FSHR: variants seen among roughly 807,000 people sequenced by gnomAD.
FSHR encodes follicle-stimulating hormone receptor.
Under a neutral mutation model 52.1 loss-of-function variants are expected in FSHR, and 46 were observed. The ratio of observed to expected loss-of-function variants is 0.88; its 90% confidence interval spans 0.70 to 1.13. The LOEUF is 1.13. Among genes scored for constraint, FSHR ranks in the 50% most tolerant of loss-of-function variants. FSHR has a pLI of 0.00. For synonymous variants in FSHR, 399 were observed against 309.6 expected (o/e 1.29, Z -3.03); for missense variants, 964 against 834.6 (o/e 1.16, Z -1.91).
intron 4 of FSHR, chr2:49,015,019 T>C: frequency 5.0e-6 from 2 of 398,084 alleles, no homozygotes; most frequent in Non-Finnish European, 9.9e-6. Flanking sequence ...CAGGCACTAA[T>C]AATTTTATAT....
intron 2 of FSHR, among the ~76,000 whole-genome samples, chr2:49,038,670 A>C (rs1008181328): frequency 2.1e-5 from 3 of 144,920 alleles, no homozygotes; most frequent in Non-Finnish European, 4.5e-5. Context: ...AATAATAATA[A>C]TACTGGTTTA....
At position 48,997,173 on chromosome 2, in the gene FSHR, A is replaced by T. The variant is rs1379514615; in HGVS notation, c.375-6536T>A. ...GCTTCTGGATAACACCAAACAGTTCACTTACCTTTTCAGAGTCTCAGTTTC... is the reference window on the plus strand; with the variant it reads ...GCTTCTGGATAACACCAAACAGTTCTCTTACCTTTTCAGAGTCTCAGTTTC... On this transcript the variant is annotated intron_variant, in intron 4 of 9. Transcript: ENST00000406846. 4.2e-6 allele frequency: 4 copies of T among 960,822 alleles called. No homozygotes were observed. The African/African-American group carries it at 7.1e-5, about 17-fold the overall frequency. 59.5% of individuals were successfully genotyped at this position (960,822 alleles called of 1,614,324 possible).
chr2:49,132,857 G>C (rs1369663249), intron 1 of FSHR, among the ~76,000 whole-genome samples: 1 of 148,102 alleles, frequency 6.8e-6, no homozygotes, highest in African/African-American at 2.5e-5. Context: ...CGGTGAAACT[G>C]ATAAAAATTA....
chr2:49,090,719 G>C (rs2103689200), intron 1 of FSHR, among the ~76,000 whole-genome samples: 1 of 152,258 alleles, frequency 6.6e-6, no homozygotes, highest in Non-Finnish European at 1.5e-5. Context: ...GTACCACATT[G>C]GGTTCTCAGG....
intron 4 of FSHR, chr2:48,997,313 T>C: frequency 2.0e-6 from 2 of 985,062 alleles, no homozygotes; most frequent in Non-Finnish European, 2.4e-6. Flanking sequence ...CATATTTAAC[T>C]GGAACTCTTT....
Position 48,990,551 on chromosome 2 carries a change from A to G in FSHR, c.446+15T>C, listed in dbSNP as rs1211062180. ...CTGAGTAAAGAGTTGGTAGTCACTC[A>G]AGGAAAAAACTTACAGTAAAACTTT... is the stretch of plus-strand genomic sequence containing the variant. On this transcript the variant is annotated intron_variant, in intron 5 of 9. Transcript: ENST00000406846. 1 of 1,565,452 alleles carries G rather than the reference A, an allele frequency of 6.4e-7. No individual in the cohort carries two copies. Among genetic ancestry groups the G allele is most frequent in the Non-Finnish European group, 8.8e-7 (1 of 1,135,704 alleles).
chr2:48,989,664 C>T (rs1019788853), intron 5 of FSHR, among the ~76,000 whole-genome samples: 4 of 152,202 alleles, frequency 2.6e-5, no homozygotes, highest in African/African-American at 9.7e-5. Context: ...TCTTGTCTAA[C>T]TTCTCTGTTC....
intron 9 of FSHR, among the ~76,000 whole-genome samples, chr2:48,965,803 A>C (rs1674453850): frequency 6.6e-6 from 1 of 152,242 alleles, no homozygotes; most frequent in South Asian, 2.1e-4. Flanking sequence ...AAGTAAGGAG[A>C]AAAGTAAATA....
chr2:49,132,695 A>G (rs1448399878), intron 1 of FSHR, among the ~76,000 whole-genome samples: 1 of 152,092 alleles, frequency 6.6e-6, no homozygotes, highest in African/African-American at 2.4e-5. Flanking sequence ...TCAAGGGCAC[A>G]CCAAGAACTT....
intron 2 of FSHR, among the ~76,000 whole-genome samples, chr2:49,050,143 C>T (rs943536727): frequency 4.6e-5 from 7 of 152,086 alleles, no homozygotes; most frequent in African/African-American, 1.7e-4. Context: ...TAAGGATTTT[C>T]ACCTTCTAGA....
At chr2:48,969,331 A>G (rs1293307030) in intron 8 of FSHR, among the ~76,000 whole-genome samples, 1 of 152,228 alleles carries the variant, frequency 6.6e-6, no homozygotes, top group East Asian at 1.9e-4. Context: ...AAAAAGGGAC[A>G]AGAAGGAAAT....
intron 1 of FSHR, among the ~76,000 whole-genome samples, chr2:49,124,950 G>A (rs979616517): frequency 6.6e-6 from 1 of 152,124 alleles, no homozygotes; most frequent in African/African-American, 2.4e-5. Context: ...ACTAATCCCT[G>A]TCCACTCATC....
At chr2:49,015,239 C>T (rs889233886) in intron 4 of FSHR, among the ~76,000 whole-genome samples, 18 of 152,054 alleles carry the variant, frequency 1.2e-4, no homozygotes, top group Non-Finnish European at 2.2e-4. Context: ...AGTTTCTTTT[C>T]CATTCTGTTC....
intron 2 of FSHR, among the ~76,000 whole-genome samples, chr2:49,022,783 A>G (rs1558396012): frequency 6.6e-6 from 1 of 152,202 alleles, no homozygotes; most frequent in South Asian, 2.1e-4. Flanking sequence ...TTTCCAGAAC[A>G]GTGCAAGGTG....
chr2:49,142,848 G>C (rs1558465293), intron 1 of FSHR, among the ~76,000 whole-genome samples: 2 of 152,198 alleles, frequency 1.3e-5, no homozygotes, highest in Non-Finnish European at 2.9e-5. Context: ...TGATGGATTG[G>C]ATTTGGGAGT....
intron 1 of FSHR, among the ~76,000 whole-genome samples, chr2:49,093,597 T>TC (rs1197545590): frequency 6.9e-6 from 1 of 145,776 alleles, no homozygotes; most frequent in Non-Finnish European, 1.5e-5. Flanking sequence ...ATATTTATCT[T>TC]TTTTTTTTTT....
At chr2:49,056,476 A>G (rs867216323) in intron 2 of FSHR, among the ~76,000 whole-genome samples, 37 of 80,312 alleles carry the variant, frequency 4.6e-4, no homozygotes, top group Middle Eastern at 0.011. Context: ...ATATATATAT[A>G]TATATATATA....
intron 1 of FSHR, among the ~76,000 whole-genome samples, chr2:49,131,687 A>G (rs1672285646): frequency 6.6e-6 from 1 of 152,110 alleles, no homozygotes; most frequent in South Asian, 2.1e-4. Flanking sequence ...TCCCCTACTC[A>G]AGCACTGTAC....
At chr2:48,999,933 C>A (rs1428212339) in intron 4 of FSHR, among the ~76,000 whole-genome samples, 2 of 152,114 alleles carry the variant, frequency 1.3e-5, no homozygotes, top group African/African-American at 4.8e-5. Flanking sequence ...ATTTATGTCA[C>A]CTTCTTTTAC....
Sources: allele counts gnomAD v4.1 joint callset (sites outside exome capture counted in the v4.1 genomes callset), GRCh38; gene constraint gnomAD v4.1.1; transcripts MANE v1.5; gene names NCBI Gene and HGNC (gene_info 2026-07-23, HGNC 2026-07-21).